ZNRF2: variants seen among roughly 807,000 people sequenced by gnomAD.
ZNRF2 encodes the protein zinc and ring finger 2, also known as E3 ubiquitin-protein ligase ZNRF2.
Under a neutral mutation model 20.4 loss-of-function variants are expected in ZNRF2, and 16 were observed. That is an observed-to-expected ratio of 0.79 (90% CI 0.53 to 1.19). The LOEUF is 1.19. Ranked by LOEUF, ZNRF2 falls within the 50% of genes most tolerant of loss-of-function variation. The probability of loss-of-function intolerance (pLI) is 0.00; values close to 1 mark genes in which losing one functional copy is unlikely to be tolerated. For synonymous variants in ZNRF2, 178 were observed against 144.9 expected (o/e 1.23, Z -1.64); for missense variants, 363 against 332.4 (o/e 1.09, Z -0.72).
In ZNRF2 at chr7:30,288,566, T is replaced by C. The variant is rs568103251; in HGVS notation, c.469+2740T>C. 2.6e-5 allele frequency among the ~76,000 whole-genome samples: 4 copies of C among 152,352 alleles called. No individual in the cohort carries two copies. In the East Asian group the frequency reaches 7.7e-4, roughly 29 times the overall value. ...AGTTTTCTGTGTTGGTTTTATGTTT[T>C]GATGTCATTTGGACATCTGTTTTGG... On this transcript the variant is annotated intron_variant, in intron 1 of 4. Coordinates refer to ENST00000323037, the MANE Select transcript of ZNRF2 (RefSeq NM_147128.4).
chr7:30,326,063 C>T (rs1043134256), intron 2 of ZNRF2, among the ~76,000 whole-genome samples: 1 of 151,932 alleles, frequency 6.6e-6, no homozygotes, highest in Non-Finnish European at 1.5e-5. Flanking sequence ...TACACACAGT[C>T]TTAGTATTCT....
intron 1 of ZNRF2, among the ~76,000 whole-genome samples, chr7:30,288,569 T>C (rs1030149637): frequency 1.3e-5 from 2 of 152,268 alleles, no homozygotes; most frequent in Admixed American, 1.3e-4. Context: ...TATGTTTTGA[T>C]GTCATTTGGA....
intron 1 of ZNRF2, among the ~76,000 whole-genome samples, chr7:30,322,692 A>T (rs1423627332): frequency 6.6e-5 from 10 of 151,832 alleles, no homozygotes; most frequent in African/African-American, 2.4e-4. Flanking sequence ...TGATTGGCCT[A>T]TGCCATCTTT....
intron 1 of ZNRF2, among the ~76,000 whole-genome samples, chr7:30,295,034 A>G (rs1447325827): frequency 3.0e-4 from 32 of 107,460 alleles, no homozygotes; most frequent in African/African-American, 1.4e-3. Flanking sequence ...AGAGAGAGAG[A>G]GAGAGAGAGA....
chr7:30,361,501 G>A (rs1427615321), intron 3 of ZNRF2, among the ~76,000 whole-genome samples: 1 of 152,212 alleles, frequency 6.6e-6, no homozygotes, highest in Non-Finnish European at 1.5e-5. Context: ...CAATGAAAAT[G>A]TTGAACAGGT....
chr7:30,365,710 TAATC>T (rs1800202865), intron 4 of ZNRF2, among the ~76,000 whole-genome samples: 1 of 152,236 alleles, frequency 6.6e-6, no homozygotes, highest in African/African-American at 2.4e-5. Context: ...AAGAATTTAA[TAATC>T]AACCCAAAAT....
At chr7:30,362,346 T>C in intron 3 of ZNRF2, 31 bp from the exon 4 acceptor site, 1 of 1,493,244 alleles carries the variant, frequency 6.7e-7, no homozygotes, top group Non-Finnish European at 9.1e-7. Context: ...AGTATAAGTA[T>C]CTCAATTTTT....
chr7:30,346,637 T>C (rs376801208), intron 2 of ZNRF2, among the ~76,000 whole-genome samples: 277 of 152,206 alleles, frequency 1.8e-3, no homozygotes, highest in African/African-American at 6.3e-3. Context: ...TTTTTGTTTT[T>C]TCACCGTACT....
intron 1 of ZNRF2, among the ~76,000 whole-genome samples, chr7:30,305,530 C>G (rs1346142738): frequency 6.6e-6 from 1 of 151,970 alleles, no homozygotes; most frequent in Non-Finnish European, 1.5e-5. Flanking sequence ...ACTTAAAAAA[C>G]CTTTATAACA....
chr7:30,361,770 C>T (rs1800130511), intron 3 of ZNRF2, among the ~76,000 whole-genome samples: 1 of 152,124 alleles, frequency 6.6e-6, no homozygotes, highest in South Asian at 2.1e-4. Context: ...CTCTTGTCTA[C>T]TCTGTTGGAC....
At chr7:30,364,375 T>C (rs543954443) in intron 4 of ZNRF2, among the ~76,000 whole-genome samples, 3 of 152,184 alleles carry the variant, frequency 2.0e-5, no homozygotes, top group African/African-American at 7.2e-5. Flanking sequence ...ATTTAAAATA[T>C]GAATTGAGGC....
intron 2 of ZNRF2, among the ~76,000 whole-genome samples, chr7:30,347,003 T>C (rs1459429300): frequency 1.3e-5 from 2 of 152,188 alleles, no homozygotes; most frequent in Non-Finnish European, 2.9e-5. Flanking sequence ...TACGGGTTTT[T>C]TCATTCTAGG....
intron 1 of ZNRF2, among the ~76,000 whole-genome samples, chr7:30,308,349 A>G (rs927719762): frequency 6.6e-5 from 10 of 152,192 alleles, no homozygotes; most frequent in African/African-American, 2.2e-4. Flanking sequence ...CATTATGAAC[A>G]TTGCTACTGT....
chr7:30,285,324 G>A lies in ZNRF2; in HGVS notation c.-34G>A. On this transcript the variant is annotated 5_prime_UTR_variant, in exon 1 of 5. Transcript: ENST00000323037. ...CTCCCGCCCTCCCGGCTCTCGGGGC[G>A]CAGCGCGCGGGCCCGGCCCGGGGCA... is the stretch of plus-strand genomic sequence containing the variant. 3.7e-6 allele frequency: 4 copies of A among 1,074,528 alleles called. No homozygotes were observed. Among genetic ancestry groups the A allele is most frequent in the South Asian group, 8.2e-5 (2 of 24,412 alleles). 66.6% of individuals were successfully genotyped at this position (1,074,528 alleles called of 1,614,324 possible). A position where few individuals can be genotyped will look rare whatever the true frequency, so the allele number is the denominator to read the frequency against.
intron 1 of ZNRF2, among the ~76,000 whole-genome samples, chr7:30,307,252 T>G (rs1336824257): frequency 1.3e-5 from 2 of 151,698 alleles, no homozygotes; most frequent in East Asian, 3.9e-4. Flanking sequence ...GCATCCATTG[T>G]TTGTGTGTTT....
chr7:30,331,506 A>G (rs1290791182), intron 2 of ZNRF2, among the ~76,000 whole-genome samples: 1 of 152,198 alleles, frequency 6.6e-6, no homozygotes, highest in Non-Finnish European at 1.5e-5. Flanking sequence ...TTCTGAGGAA[A>G]TTACACAGAG....
At chr7:30,359,766 C>A (rs533553039) in intron 3 of ZNRF2, among the ~76,000 whole-genome samples, 4 of 152,210 alleles carry the variant, frequency 2.6e-5, no homozygotes, top group South Asian at 4.1e-4. Context: ...TTTAAAAAAA[C>A]GTATTTACAG....
At chr7:30,333,469 A>C (rs983388555) in intron 2 of ZNRF2, among the ~76,000 whole-genome samples, 11 of 151,640 alleles carry the variant, frequency 7.3e-5, no homozygotes, top group African/African-American at 2.7e-4. Flanking sequence ...TCCCAGGTTC[A>C]AGCAATTATC....
At chr7:30,331,296 A>G (rs1002540733) in intron 2 of ZNRF2, among the ~76,000 whole-genome samples, 2 of 152,200 alleles carry the variant, frequency 1.3e-5, no homozygotes, top group African/African-American at 4.8e-5. Flanking sequence ...TAACAGCTTT[A>G]TTTTCAAATA....
Sources: allele counts gnomAD v4.1 joint callset (sites outside exome capture counted in the v4.1 genomes callset), GRCh38; gene constraint gnomAD v4.1.1; transcripts MANE v1.5; gene names NCBI Gene and HGNC (gene_info 2026-07-23, HGNC 2026-07-21).